FHIT: variants seen among roughly 807,000 people sequenced by gnomAD.
FHIT encodes bis(5'-adenosyl)-triphosphatase.
A neutral mutation model predicts 17.9 loss-of-function variants in FHIT; 19 were observed. The observed-to-expected ratio is 1.06, with a 90% confidence interval of 0.74 to 1.56. FHIT has a LOEUF of 1.56. Ranked by LOEUF, FHIT falls within the 40% of genes most tolerant of loss-of-function variation. FHIT has a pLI of 0.00. For missense variants in FHIT, 248 were observed against 189.2 expected (o/e 1.31, Z -1.82); for synonymous variants, 81 against 69.7 (o/e 1.16, Z -0.81).
At chr3:60,097,097 T>C (rs917822743) in intron 5 of FHIT, among the ~76,000 whole-genome samples, 1 of 150,116 alleles carries the variant, frequency 6.7e-6, no homozygotes, top group Non-Finnish European at 1.5e-5. Flanking sequence ...GAGTACCAGG[T>C]GGCCAGGTGA....
chr3:60,544,998 G>A (rs578060420), intron 4 of FHIT, among the ~76,000 whole-genome samples: 8 of 152,058 alleles, frequency 5.3e-5, no homozygotes, highest in Admixed American at 2.0e-4. Context: ...TTTCATGAGC[G>A]TTAAACAAAA....
chr3:61,079,479 C>G (rs899423278), intron 2 of FHIT, among the ~76,000 whole-genome samples: 2 of 151,664 alleles, frequency 1.3e-5, no homozygotes, highest in Non-Finnish European at 2.9e-5. Context: ...ATGGACTTCA[C>G]GAATCAAAAA....
At chr3:60,986,418 T>C (rs1265582533) in intron 3 of FHIT, among the ~76,000 whole-genome samples, 1 of 152,198 alleles carries the variant, frequency 6.6e-6, no homozygotes, top group Non-Finnish European at 1.5e-5. Context: ...TACTGGTAAA[T>C]ACATCTTTCA....
intron 5 of FHIT, among the ~76,000 whole-genome samples, chr3:60,334,926 CAG>C (rs1367989560): frequency 6.6e-6 from 1 of 152,100 alleles, no homozygotes; most frequent in Non-Finnish European, 1.5e-5. Context: ...ATATAAGAAA[CAG>C]AATCTTTTTA....
chr3:60,632,095 G>GT (rs1487192334), intron 4 of FHIT, among the ~76,000 whole-genome samples: 17 of 147,266 alleles, frequency 1.2e-4, no homozygotes, highest in African/African-American at 4.2e-4. Context: ...TTTTTTTTTT[G>GT]TTTTTTGTTT....
At chr3:60,208,102 T>C (rs148846467) in intron 5 of FHIT, among the ~76,000 whole-genome samples, 3 of 152,284 alleles carry the variant, frequency 2.0e-5, no homozygotes, top group Non-Finnish European at 4.4e-5. Flanking sequence ...TCCTCTACTA[T>C]TGGGATACAT....
At chr3:59,928,958 G>A (rs1345917561) in intron 7 of FHIT, among the ~76,000 whole-genome samples, 2 of 124,968 alleles carry the variant, frequency 1.6e-5, no homozygotes, top group East Asian at 2.4e-4. Context: ...TTGCACCACT[G>A]CACTCCAGCC....
chr3:59,811,489 G>C (rs888958629), intron 8 of FHIT, among the ~76,000 whole-genome samples: 3 of 152,190 alleles, frequency 2.0e-5, no homozygotes, highest in Non-Finnish European at 4.4e-5. Context: ...TTTGTTTTCA[G>C]ACTTTAGAAA....
chr3:61,143,354 A>G (rs538161509), intron 2 of FHIT, among the ~76,000 whole-genome samples: 5 of 152,336 alleles, frequency 3.3e-5, no homozygotes, highest in Middle Eastern at 3.4e-3. Context: ...ACATTATAAT[A>G]TACATAGCAT....
intron 7 of FHIT, among the ~76,000 whole-genome samples, chr3:60,006,332 G>A (rs1225552395): frequency 1.3e-5 from 2 of 152,170 alleles, no homozygotes; most frequent in East Asian, 1.9e-4. Context: ...GCAGTCATTC[G>A]TAGCGAGAGA....
chr3:60,914,306 A>T (rs1335365884), intron 3 of FHIT, among the ~76,000 whole-genome samples: 2 of 152,226 alleles, frequency 1.3e-5, no homozygotes, highest in Non-Finnish European at 2.9e-5. Context: ...TAATAACAAT[A>T]AAATACTGTA....
chr3:60,691,299 A>G (rs925885325), intron 4 of FHIT, among the ~76,000 whole-genome samples: 2 of 150,900 alleles, frequency 1.3e-5, no homozygotes, highest in Non-Finnish European at 3.0e-5. Context: ...CTCTTTTGTT[A>G]TTTTAATTTT....
intron 2 of FHIT, among the ~76,000 whole-genome samples, chr3:61,059,080 G>A (rs1392034258): frequency 1.3e-5 from 2 of 152,202 alleles, no homozygotes; most frequent in African/African-American, 4.8e-5. Context: ...CCTAGAAAAT[G>A]AGGATGTTTC....
chr3:60,651,453 AT>A (rs1162616088), intron 4 of FHIT, among the ~76,000 whole-genome samples: 21 of 152,000 alleles, frequency 1.4e-4, no homozygotes, highest in Admixed American at 1.4e-3. Context: ...CCCATTGGCC[AT>A]TGTGGCCATC....
intron 5 of FHIT, among the ~76,000 whole-genome samples, chr3:60,072,356 T>C (rs561540944): frequency 6.6e-6 from 1 of 152,308 alleles, no homozygotes; most frequent in South Asian, 2.1e-4. Flanking sequence ...TCCAGTTCGA[T>C]GGCTGTCAAC....
At chr3:60,556,322 T>A (rs2036737246) in intron 4 of FHIT, among the ~76,000 whole-genome samples, 2 of 152,290 alleles carry the variant, frequency 1.3e-5, no homozygotes, top group South Asian at 4.2e-4. Flanking sequence ...AGGTAAAGGA[T>A]TAAGAAGGAG....
intron 3 of FHIT, among the ~76,000 whole-genome samples, chr3:60,940,063 ACCAT>A (rs2107410264): frequency 6.6e-6 from 1 of 152,276 alleles, no homozygotes; most frequent in Non-Finnish European, 1.5e-5. Context: ...ATGCTAAAAA[ACCAT>A]CCAAACAAAC....
At chr3:60,029,556 C>T (rs560642180) in intron 5 of FHIT, among the ~76,000 whole-genome samples, 2 of 152,308 alleles carry the variant, frequency 1.3e-5, no homozygotes, top group East Asian at 3.9e-4. Flanking sequence ...TCCCACCACA[C>T]TGCCTGGCAA....
At chr3:60,669,261 GT>G (rs1298546281) in intron 4 of FHIT, among the ~76,000 whole-genome samples, 1 of 152,148 alleles carries the variant, frequency 6.6e-6, no homozygotes, top group Non-Finnish European at 1.5e-5. Context: ...ACTTATAAGT[GT>G]TCATCCTTGC....
Sources: allele counts gnomAD v4.1 joint callset (sites outside exome capture counted in the v4.1 genomes callset), GRCh38; gene constraint gnomAD v4.1.1; transcripts MANE v1.5; gene names NCBI Gene and HGNC (gene_info 2026-07-23, HGNC 2026-07-21).